The following PIK3R1 variants were observed in gnomAD, a reference collection of about 807,000 sequenced individuals.
The protein encoded by PIK3R1 is phosphoinositide-3-kinase regulatory subunit 1.
A neutral mutation model predicts 98.0 loss-of-function variants in PIK3R1; 29 were observed. That is an observed-to-expected ratio of 0.30 (90% CI 0.22 to 0.40). PIK3R1 has a LOEUF of 0.40. Among genes scored for constraint, PIK3R1 ranks in the 10% least tolerant of loss-of-function variants. The pLI, the probability that PIK3R1 is intolerant of heterozygous loss-of-function variation, is 1.00. For missense variants in PIK3R1, 596 were observed against 872.7 expected (o/e 0.68, Z 3.99); for synonymous variants, 282 against 311.8 (o/e 0.90, Z 1.01).
At chr5:68,295,890 T>A (rs1747685353) in intron 14 of PIK3R1, 1 of 476,042 alleles carries the variant, frequency 2.1e-6, no homozygotes, top group East Asian at 3.6e-5. Flanking sequence ...TAAACGAGAT[T>A]GTTTTAATAC....
At chr5:68,276,467 G>A (rs1397636075) in intron 4 of PIK3R1, among the ~76,000 whole-genome samples, 2 of 152,160 alleles carry the variant, frequency 1.3e-5, no homozygotes, top group Non-Finnish European at 1.5e-5. Flanking sequence ...GGAGGGAGGA[G>A]TGAAGGGTTG....
At chr5:68,270,476 A>C (rs1048469827) in intron 2 of PIK3R1, among the ~76,000 whole-genome samples, 4 of 152,178 alleles carry the variant, frequency 2.6e-5, no homozygotes, top group African/African-American at 4.8e-5. Flanking sequence ...AAGACTCTGG[A>C]ATGAGACAAA....
chr5:68,301,364 ATATGTGTG>A lies in PIK3R1; in HGVS notation c.*3765_*3772del, dbSNP rs1168431897. The A allele has an allele frequency of 3.6e-3, 136 of 37,380 alleles. 1 individual carries two copies. The highest frequency in any genetic ancestry group is 7.8e-3 in the South Asian group (7 of 892). The allele number at this position is 37,380 out of a possible 1,614,324, so 2.3% of individuals were successfully genotyped here. On this transcript the variant is annotated 3_prime_UTR_variant, in exon 16 of 16. Transcript: ENST00000521381. ...CTGCTATATATATATATATATATAT[ATATGTGTG>A]TGTGTGTGTGTGTGTGTGTGTATAT... is the stretch of plus-strand genomic sequence containing the variant.
intron 2 of PIK3R1, among the ~76,000 whole-genome samples, chr5:68,267,592 A>G (rs538710436): frequency 6.6e-6 from 1 of 152,176 alleles, no homozygotes; most frequent in East Asian, 1.9e-4. Flanking sequence ...ATTTATTTCC[A>G]CATCTACTCT....
intron 2 of PIK3R1, among the ~76,000 whole-genome samples, chr5:68,251,445 C>T (rs1259141715): frequency 6.6e-6 from 1 of 151,366 alleles, no homozygotes; most frequent in Non-Finnish European, 1.5e-5. Flanking sequence ...ATGAGTATGT[C>T]TTCGTGAGCC....
At chr5:68,236,918 G>C (rs1443215334) in intron 2 of PIK3R1, among the ~76,000 whole-genome samples, 1 of 152,230 alleles carries the variant, frequency 6.6e-6, no homozygotes, top group East Asian at 1.9e-4. Flanking sequence ...CTAAGACAAA[G>C]TTTTGGGTAT....
chr5:68,242,851 G>C (rs1744921323), intron 2 of PIK3R1, among the ~76,000 whole-genome samples: 1 of 152,186 alleles, frequency 6.6e-6, no homozygotes, highest in Non-Finnish European at 1.5e-5. Context: ...ATTTAGTCAA[G>C]TTGGCCAGAG....
chr5:68,288,591 A>T (rs1747198953), intron 7 of PIK3R1: 1 of 1,535,772 alleles, frequency 6.5e-7, no homozygotes, highest in Non-Finnish European at 8.7e-7. Flanking sequence ...TCCTGCGCGC[A>T]CTCTCGGCGC....
At chr5:68,263,215 T>TACATATATATCTATATATATA (rs1561279747) in intron 2 of PIK3R1, among the ~76,000 whole-genome samples, 3 of 120,956 alleles carry the variant, frequency 2.5e-5, no homozygotes, top group South Asian at 5.0e-4. Flanking sequence ...ATATATATAT[T>TACATATATATCTATATATATA]TCTACATATA....
At chr5:68,262,615 ACATGTAGATG>A (rs1745834266) in intron 2 of PIK3R1, among the ~76,000 whole-genome samples, 2 of 141,916 alleles carry the variant, frequency 1.4e-5, no homozygotes, top group South Asian at 2.1e-4. Flanking sequence ...ACATGTATAC[ACATGTAGATG>A]CATGTATACA....
intron 1 of PIK3R1, among the ~76,000 whole-genome samples, chr5:68,224,430 G>T (rs1318496335): frequency 6.6e-6 from 1 of 152,026 alleles, no homozygotes; most frequent in African/African-American, 2.4e-5. Context: ...TAATATTCTT[G>T]CTCCACAAAG....
rs1218554979 is a variant in PIK3R1, at chr5:68,298,081, C to T, written c.*480C>T. On this transcript the variant is annotated 3_prime_UTR_variant, in exon 16 of 16. Transcript: ENST00000521381. The stretch of plus-strand genomic sequence containing the variant: ...TTGCTGTGCACGGTGGACCCAGACA[C>T]ATCGCACTGTGGATTATTTCATTTT... The T allele has an allele frequency of 1.3e-5, 3 of 231,392 alleles. No homozygotes were observed. Among genetic ancestry groups the T allele is most frequent in the Non-Finnish European group, 2.6e-5 (3 of 116,862 alleles). The allele number at this position is 231,392 out of a possible 1,614,324, so 14.3% of individuals were successfully genotyped here.
chr5:68,262,592 T>G (rs1946207), intron 2 of PIK3R1, among the ~76,000 whole-genome samples: 47,480 of 126,144 alleles, frequency 0.38, 10,647 homozygotes, highest in African/African-American at 0.62. Context: ...TACACATGTA[T>G]CTGCATGTAT....
At chr5:68,284,436 T>C (rs1746994071) in intron 7 of PIK3R1, among the ~76,000 whole-genome samples, 1 of 152,212 alleles carries the variant, frequency 6.6e-6, no homozygotes, top group Non-Finnish European at 1.5e-5. Context: ...TGTATGAATA[T>C]GTGGCTTGGT....
intron 2 of PIK3R1, among the ~76,000 whole-genome samples, chr5:68,227,974 G>A (rs1744343323): frequency 1.3e-5 from 2 of 152,230 alleles, no homozygotes; most frequent in Admixed American, 6.5e-5. Context: ...ACAGAGACAA[G>A]CCTTATGCTC....
chr5:68,261,967 C>T (rs886175873), intron 2 of PIK3R1, among the ~76,000 whole-genome samples: 2 of 152,086 alleles, frequency 1.3e-5, no homozygotes, highest in Admixed American at 1.3e-4. Context: ...AAGGAAGAGG[C>T]GACTCTGAGA....
At position 68,274,165 on chromosome 5, in the gene PIK3R1, T is replaced by C. The variant is rs536602329; in HGVS notation, c.502+152T>C. The C allele has an allele frequency of 1.9e-5, 13 of 697,702 alleles. No homozygotes were observed. The East Asian group carries it at 3.2e-4, about 17-fold the overall frequency. The allele number at this position is 697,702 out of a possible 1,614,324, so 43.2% of individuals were successfully genotyped here. A position where few individuals can be genotyped will look rare whatever the true frequency, so the allele number is the denominator to read the frequency against. ...ATGTACAGTTCTCCCTGCCCTGTTA[T>C]GGTAACAGTGCAAACCTTTGAAATT... is the stretch of plus-strand genomic sequence containing the variant. On this transcript the variant is annotated intron_variant, in intron 4 of 15. Transcript: ENST00000521381.
In PIK3R1 at chr5:68,224,868, T is replaced by C. The variant is rs527871574; in HGVS notation, c.-386-1422T>C. 1.7e-3 allele frequency among the ~76,000 whole-genome samples: 256 copies of C among 152,356 alleles called. 1 individual carries two copies. Among genetic ancestry groups the C allele is most frequent in the African/African-American group, 5.8e-3 (240 of 41,590 alleles). On this transcript the variant is annotated intron_variant, in intron 1 of 15. Transcript: ENST00000521381. ...TTAGTAACTCTCTAATTCCCTTGCC[T>C]CCACTATGTTTAAGAACAAAAAAGA...
At chr5:68,268,368 A>G (rs2161120) in intron 2 of PIK3R1, among the ~76,000 whole-genome samples, 82,092 of 151,970 alleles carry the variant, frequency 0.54, 24,155 homozygotes, top group African/African-American at 0.79. Context: ...TTGTAGTGTC[A>G]CCCGTAAAGC....
Sources: allele counts gnomAD v4.1 joint callset (sites outside exome capture counted in the v4.1 genomes callset), GRCh38; gene constraint gnomAD v4.1.1; transcripts MANE v1.5; gene names NCBI Gene and HGNC (gene_info 2026-07-23, HGNC 2026-07-21).